COL22A1: variants seen among roughly 807,000 people sequenced by gnomAD.
COL22A1 encodes the protein collagen type XXII alpha 1 chain.
Under a neutral mutation model 248.9 loss-of-function variants are expected in COL22A1, and 221 were observed. The observed-to-expected ratio is 0.89, with a 90% CI of 0.80 to 0.99. The LOEUF is 0.99. Among genes scored for constraint, COL22A1 ranks in the 50% least tolerant of loss-of-function variants. The probability of loss-of-function intolerance (pLI) is 0.00; values close to 1 mark genes in which losing one functional copy is unlikely to be tolerated. For missense variants in COL22A1, 2,240 were observed against 2,179.0 expected (o/e 1.03, Z -0.56); for synonymous variants, 891 against 793.4 (o/e 1.12, Z -2.07).
chr8:138,711,580 A>G (rs1338751191), intron 30 of COL22A1, among the ~76,000 whole-genome samples: 1 of 152,188 alleles, frequency 6.6e-6, no homozygotes, highest in East Asian at 1.9e-4. Context: ...GCAGGCCTGA[A>G]TGGCTTACTG....
intron 2 of COL22A1, among the ~76,000 whole-genome samples, chr8:138,882,357 C>G (rs577904479): frequency 1.3e-5 from 2 of 151,724 alleles, no homozygotes; most frequent in African/African-American, 4.8e-5. Context: ...CACACACTCC[C>G]TTAAACTCAC....
intron 2 of COL22A1, among the ~76,000 whole-genome samples, chr8:138,882,222 CCT>C (rs1179562373): frequency 6.6e-6 from 1 of 152,134 alleles, no homozygotes; most frequent in Non-Finnish European, 1.5e-5. Context: ...CAACTCATTC[CCT>C]CTCTCTGTCA....
At chr8:138,613,975 G>A in intron 55 of COL22A1, 55 bp from the exon 56 acceptor site, 2 of 1,388,046 alleles carry the variant, frequency 1.4e-6, no homozygotes, top group Non-Finnish European at 2.0e-6. Flanking sequence ...TGAAGGTGAT[G>A]GCATCCCAAT....
chr8:138,589,046 T>C lies in COL22A1; in HGVS notation c.*207A>G. On this transcript the variant is annotated 3_prime_UTR_variant, in exon 65 of 65. Coordinates refer to ENST00000303045, the MANE Select transcript of COL22A1 (RefSeq NM_152888.3). ...TAATAATAATTAACAACAACAATAA[T>C]ATTAATAATAATCTGACCGACCGGC... 1.9e-6 allele frequency: 1 copy of C among 523,130 alleles called. No individual in the cohort carries two copies. Among genetic ancestry groups the C allele is most frequent in the Non-Finnish European group, 3.4e-6 (1 of 298,362 alleles). The allele number at this position is 523,130 out of a possible 1,614,324, so 32.4% of individuals were successfully genotyped here.
intron 55 of COL22A1, 74 bp downstream of exon 55, chr8:138,615,927 G>A: frequency 9.1e-7 from 1 of 1,103,082 alleles, no homozygotes; most frequent in Non-Finnish European, 1.4e-6. Context: ...TTGTGGGGCA[G>A]TTTCTGGGTG....
chr8:138,815,163 C>T (rs1015169228), intron 7 of COL22A1, among the ~76,000 whole-genome samples: 1 of 152,182 alleles, frequency 6.6e-6, no homozygotes, highest in Non-Finnish European at 1.5e-5. Flanking sequence ...GGAACTGAGT[C>T]AATTAAACCT....
At chr8:138,662,222 C>A in intron 42 of COL22A1, 139 bp from the exon 43 acceptor site, 3 of 667,298 alleles carry the variant, frequency 4.5e-6, no homozygotes, top group Non-Finnish European at 7.8e-6. Context: ...TGTGCCAAAG[C>A]ACCCTGCTCA....
intron 41 of COL22A1, among the ~76,000 whole-genome samples, chr8:138,672,748 T>C (rs1384100540): frequency 6.6e-6 from 1 of 152,200 alleles, no homozygotes; most frequent in Non-Finnish European, 1.5e-5. Flanking sequence ...ACCAGTATTA[T>C]CATGTTGTAT....
chr8:138,635,120 G>T, intron 48 of COL22A1, 57 bp from the exon 49 acceptor site: 5 of 1,388,426 alleles, frequency 3.6e-6, no homozygotes, highest in East Asian at 2.4e-5. Context: ...TTTTTACTTT[G>T]TGCAAATATC....
At chr8:138,599,640 G>A (rs890509857) in intron 60 of COL22A1, among the ~76,000 whole-genome samples, 2 of 152,132 alleles carry the variant, frequency 1.3e-5, no homozygotes, top group Admixed American at 6.5e-5. Flanking sequence ...TGGGAAGATC[G>A]CTTGAGGCCA....
intron 22 of COL22A1, among the ~76,000 whole-genome samples, chr8:138,744,181 A>AT (rs1164969718): frequency 1.3e-5 from 2 of 152,196 alleles, no homozygotes; most frequent in Non-Finnish European, 2.9e-5. Flanking sequence ...CAGGAAAGAG[A>AT]TTTTAGAATG....
At chr8:138,658,131 G>A (rs1440759242) in intron 44 of COL22A1, among the ~76,000 whole-genome samples, 1 of 152,154 alleles carries the variant, frequency 6.6e-6, no homozygotes, top group African/African-American at 2.4e-5. Context: ...CTTCTCTCCA[G>A]GTGGGTGCAG....
intron 9 of COL22A1, among the ~76,000 whole-genome samples, chr8:138,808,083 A>G (rs1005274736): frequency 2.6e-5 from 4 of 152,244 alleles, no homozygotes; most frequent in Non-Finnish European, 2.9e-5. Context: ...CAGAAAGACA[A>G]ATACCACATT....
chr8:138,692,408 T>G (rs62527927), intron 35 of COL22A1, among the ~76,000 whole-genome samples: 149,497 of 149,574 alleles, frequency 1, 74,710 homozygotes, highest in Middle Eastern at 1. Context: ...CATGTGTGTG[T>G]ATGTGTGTGT....
intron 9 of COL22A1, among the ~76,000 whole-genome samples, chr8:138,809,516 T>TTTTTTCTTTTTC (rs1554633635): frequency 2.3e-4 from 18 of 78,864 alleles, no homozygotes; most frequent in Admixed American, 2.1e-3. Flanking sequence ...CTTCTTCTCT[T>TTTTTTCTTTTTC]TTTTTCTTTT....
intron 3 of COL22A1, among the ~76,000 whole-genome samples, chr8:138,852,017 G>C (rs914287222): frequency 1.2e-4 from 19 of 152,068 alleles, no homozygotes; most frequent in Admixed American, 1.3e-4. Context: ...CTTGGGGAAG[G>C]GGGGATTGGA....
chr8:138,622,094 T>C (rs531372969), intron 52 of COL22A1, among the ~76,000 whole-genome samples: 7 of 152,344 alleles, frequency 4.6e-5, no homozygotes, highest in Non-Finnish European at 7.3e-5. Context: ...ACAAATTAAA[T>C]GGAACATAAA....
rs1485716360 is a variant in COL22A1, at chr8:138,902,737, TATACACAC to T, written c.-73+10874_-73+10881del. 7.7e-3 allele frequency among the ~76,000 whole-genome samples: 820 copies of T among 107,024 alleles called. 10 individuals are homozygous for T. The highest frequency in any genetic ancestry group is 0.022 in the African/African-American group (590 of 26,506). 70.2% of individuals were successfully genotyped at this position (107,024 alleles called of 152,430 possible). A position where few individuals can be genotyped will look rare whatever the true frequency, so the allele number is the denominator to read the frequency against. ...AAAAAAATTTATAAATATATATATATATACACACACACACACACACACACACACACACA... is the reference window on the plus strand; with the variant it reads ...AAAAAAATTTATAAATATATATATATACACACACACACACACACACACACA... On this transcript the variant is annotated intron_variant, in intron 1 of 64. Transcript: ENST00000303045.
At chr8:138,733,684 C>A (rs1830878245) in intron 23 of COL22A1, among the ~76,000 whole-genome samples, 1 of 152,184 alleles carries the variant, frequency 6.6e-6, no homozygotes, top group Non-Finnish European at 1.5e-5. Context: ...CTCCACAGAG[C>A]CCTGACCTCC....
Sources: allele counts gnomAD v4.1 joint callset (sites outside exome capture counted in the v4.1 genomes callset), GRCh38; gene constraint gnomAD v4.1.1; transcripts MANE v1.5; gene names NCBI Gene and HGNC (gene_info 2026-07-23, HGNC 2026-07-21).